TRHDE: variants seen among roughly 807,000 people sequenced by gnomAD.
TRHDE encodes thyrotropin releasing hormone degrading enzyme, also known as thyrotropin-releasing hormone-degrading ectoenzyme.
A neutral mutation model predicts 125.7 loss-of-function variants in TRHDE; 72 were observed. The ratio of observed to expected loss-of-function variants is 0.57; its 90% CI spans 0.47 to 0.70. The LOEUF is 0.70. Among genes scored for constraint, TRHDE ranks in the 30% least tolerant of loss-of-function variants. The probability of loss-of-function intolerance (pLI) is 0.00; values close to 1 mark genes in which losing one functional copy is unlikely to be tolerated. For missense variants in TRHDE, 1,110 were observed against 1,327.1 expected (o/e 0.84, Z 2.54); for synonymous variants, 509 against 509.1 (o/e 1.00, Z 0.00).
At chr12:72,553,206 C>A (rs1869757645) in intron 7 of TRHDE, among the ~76,000 whole-genome samples, 1 of 152,084 alleles carries the variant, frequency 6.6e-6, no homozygotes, top group Admixed American at 6.5e-5. Context: ...ATAAGCTCAG[C>A]TTTTCAATGG....
chr12:72,597,709 GTATGTATATATATATATATATATATA>G (rs1463544341), intron 12 of TRHDE, among the ~76,000 whole-genome samples: 4 of 56,960 alleles, frequency 7.0e-5, no homozygotes, highest in African/African-American at 2.7e-4. Flanking sequence ...ATGTGTGTGT[GTATGTATATATATATATATATATATA>G]TATATATATA....
chr12:72,476,119 A>T (rs1876880526), intron 5 of TRHDE, among the ~76,000 whole-genome samples: 1 of 151,974 alleles, frequency 6.6e-6, no homozygotes, highest in Admixed American at 6.6e-5. Context: ...GTTTCACTAT[A>T]TTGGCCAGGC....
intron 6 of TRHDE, among the ~76,000 whole-genome samples, chr12:72,531,494 T>G (rs1868552807): frequency 6.6e-6 from 1 of 152,090 alleles, no homozygotes; most frequent in Admixed American, 6.6e-5. Context: ...TCCTTTATAC[T>G]TCATACTTTT....
At chr12:72,559,236 T>C (rs921485981) in intron 7 of TRHDE, among the ~76,000 whole-genome samples, 1 of 152,212 alleles carries the variant, frequency 6.6e-6, no homozygotes, top group Non-Finnish European at 1.5e-5. Context: ...ATTTATGATG[T>C]GCTAGGCACT....
At chr12:72,237,634 T>C (rs569921562) in intron 2 of TRHDE, among the ~76,000 whole-genome samples, 30 of 152,328 alleles carry the variant, frequency 2.0e-4, no homozygotes, top group African/African-American at 7.2e-4. Flanking sequence ...GTTTCCACTG[T>C]GTGCACTCTC....
At chr12:72,363,871 C>A (rs1018916784) in intron 2 of TRHDE, among the ~76,000 whole-genome samples, 2 of 151,848 alleles carry the variant, frequency 1.3e-5, no homozygotes, top group Non-Finnish European at 2.9e-5. Flanking sequence ...TCTAGAAAAC[C>A]CCATTGTCTC....
chr12:72,289,062 C>T (rs1291526551), intron 2 of TRHDE, among the ~76,000 whole-genome samples: 1 of 152,082 alleles, frequency 6.6e-6, no homozygotes, highest in African/African-American at 2.4e-5. Context: ...GTTTTCTTTT[C>T]ACTGCCTTTC....
intron 2 of TRHDE, among the ~76,000 whole-genome samples, chr12:72,361,063 A>G (rs1407070071): frequency 6.6e-6 from 1 of 151,808 alleles, no homozygotes; most frequent in Non-Finnish European, 1.5e-5. Context: ...CCCACTTATA[A>G]GTGAGAACAT....
chr12:72,379,779 T>A (rs968904296), intron 3 of TRHDE, among the ~76,000 whole-genome samples: 1 of 152,186 alleles, frequency 6.6e-6, no homozygotes. Context: ...CCGCTACTTG[T>A]TAAGCTACCT....
At chr12:72,193,314 A>G (rs909373122) in intron 2 of TRHDE, among the ~76,000 whole-genome samples, 3 of 151,892 alleles carry the variant, frequency 2.0e-5, no homozygotes, top group African/African-American at 7.2e-5. Flanking sequence ...GCATTTGTGC[A>G]GTTGTTTGCA....
At chr12:72,216,196 A>G (rs1877886977) in intron 2 of TRHDE, among the ~76,000 whole-genome samples, 4 of 152,130 alleles carry the variant, frequency 2.6e-5, no homozygotes, top group Admixed American at 2.6e-4. Flanking sequence ...ATAACCAAGG[A>G]AAGACTGGGT....
chr12:72,655,726 TA>T (rs1874683898), intron 17 of TRHDE, among the ~76,000 whole-genome samples: 1 of 152,148 alleles, frequency 6.6e-6, no homozygotes, highest in Non-Finnish European at 1.5e-5. Flanking sequence ...ACAATATAAG[TA>T]AAAACAACTA....
At chr12:72,545,096 T>C (rs1869351103) in intron 7 of TRHDE, among the ~76,000 whole-genome samples, 1 of 151,468 alleles carries the variant, frequency 6.6e-6, no homozygotes, top group Non-Finnish European at 1.5e-5. Context: ...CACCAGCAAA[T>C]TAGCTTCCAT....
At chr12:72,364,590 A>G (rs996366087) in intron 2 of TRHDE, among the ~76,000 whole-genome samples, 1 of 152,050 alleles carries the variant, frequency 6.6e-6, no homozygotes, top group East Asian at 1.9e-4. Context: ...ATGAATGAAC[A>G]AACAAATGAG....
chr12:72,588,888 CAT>C (rs1234819860), intron 12 of TRHDE, among the ~76,000 whole-genome samples: 4 of 152,116 alleles, frequency 2.6e-5, no homozygotes, highest in African/African-American at 9.7e-5. Flanking sequence ...GGGAAGCAAA[CAT>C]GTCCTTCTTC....
At chr12:72,492,660 A>G (rs959881372) in intron 5 of TRHDE, among the ~76,000 whole-genome samples, 1 of 151,886 alleles carries the variant, frequency 6.6e-6, no homozygotes, top group African/African-American at 2.4e-5. Context: ...CCAACTGTGC[A>G]GTGCTAATTA....
chr12:72,243,822 T>C (rs1429245576), intron 2 of TRHDE, among the ~76,000 whole-genome samples: 1 of 152,226 alleles, frequency 6.6e-6, no homozygotes, highest in African/African-American at 2.4e-5. Flanking sequence ...TGAGTTCTCT[T>C]TTCCAAGCAC....
chr12:72,095,673 T>C (rs1157619683), intron 1 of TRHDE, among the ~76,000 whole-genome samples: 1 of 152,230 alleles, frequency 6.6e-6, no homozygotes, highest in East Asian at 1.9e-4. Flanking sequence ...GTAGGATATT[T>C]TCCTGTAGAT....
intron 2 of TRHDE, among the ~76,000 whole-genome samples, chr12:72,109,477 G>A (rs1023857872): frequency 1.3e-5 from 2 of 152,148 alleles, no homozygotes; most frequent in East Asian, 3.9e-4. Context: ...TAATAAGTAA[G>A]AAATTCTAGA....
Sources: gnomAD v4.1 joint callset for allele counts (sites outside exome capture counted in the v4.1 genomes callset) on GRCh38, gnomAD v4.1.1 for gene constraint, MANE v1.5 for transcripts, NCBI Gene and HGNC (gene_info 2026-07-23, HGNC 2026-07-21) for gene names.